CNTNAP4: variants seen among roughly 807,000 people sequenced by gnomAD.
CNTNAP4 encodes contactin associated protein family member 4.
A neutral mutation model predicts 148.4 loss-of-function variants in CNTNAP4; 98 were observed. The ratio of observed to expected loss-of-function variants is 0.66; its 90% confidence interval spans 0.56 to 0.78. The LOEUF (loss-of-function observed/expected upper bound fraction) is 0.78, where lower values mean the gene tolerates loss of function less well. CNTNAP4 is among the 30% of genes least tolerant of loss of function. The probability of loss-of-function intolerance (pLI) is 0.00; values close to 1 mark genes in which losing one functional copy is unlikely to be tolerated. For synonymous variants in CNTNAP4, 730 were observed against 565.1 expected (o/e 1.29, Z -4.14); for missense variants, 1,935 against 1,565.6 (o/e 1.24, Z -3.98).
At position 76,306,120 on chromosome 16, in the gene CNTNAP4, T is replaced by C. The variant is rs9944329; in HGVS notation, c.86-10293T>C. On this transcript the variant is annotated intron_variant, in intron 1 of 23. Coordinates refer to ENST00000611870, the MANE Select transcript of CNTNAP4 (RefSeq NM_033401.5). The stretch of plus-strand genomic sequence containing the variant: ...ATTCTGAACAGTATGGTGATGAATA[T>C]ATGAATGTATGTGTCTTTTTGGTAT... 8.8e-3 allele frequency among the ~76,000 whole-genome samples: 1,339 copies of C among 152,314 alleles called. 18 individuals carry two copies. The highest frequency in any genetic ancestry group is 0.03 in the African/African-American group (1,252 of 41,570).
chr16:76,444,847 T>G (rs1458181672), intron 4 of CNTNAP4, among the ~76,000 whole-genome samples: 1 of 152,140 alleles, frequency 6.6e-6, no homozygotes. Context: ...CATTGTGAAT[T>G]ATACTGAACT....
At chr16:76,504,038 C>G (rs1383801274) in intron 15 of CNTNAP4, among the ~76,000 whole-genome samples, 1 of 151,790 alleles carries the variant, frequency 6.6e-6, no homozygotes, top group East Asian at 1.9e-4. Flanking sequence ...AGACTGAAAA[C>G]TATCCCAATT....
chr16:76,495,734 T>C (rs1334303924), intron 14 of CNTNAP4, among the ~76,000 whole-genome samples: 1 of 152,122 alleles, frequency 6.6e-6, no homozygotes, highest in Admixed American at 6.5e-5. Context: ...TTTAAATGTT[T>C]ATATTTACAT....
intron 4 of CNTNAP4, among the ~76,000 whole-genome samples, chr16:76,439,447 A>C (rs760573140): frequency 1.3e-5 from 2 of 152,160 alleles, no homozygotes; most frequent in Non-Finnish European, 2.9e-5. Flanking sequence ...TTTTCAGTAC[A>C]TAGCCAAATA....
At position 76,560,650 on chromosome 16, in the gene CNTNAP4, T is replaced by G. The variant is rs1477231498; in HGVS notation, c.*1967T>G. 6.6e-6 allele frequency among the ~76,000 whole-genome samples: 1 copy of G among 152,326 alleles called. No homozygotes were observed. Among genetic ancestry groups the G allele is most frequent in the East Asian group, 1.9e-4 (1 of 5,184 alleles). On this transcript the variant is annotated 3_prime_UTR_variant, in exon 24 of 24. Coordinates refer to ENST00000611870, the MANE Select transcript of CNTNAP4 (RefSeq NM_033401.5). The stretch of plus-strand genomic sequence containing the variant: ...CTCTGTGGTCTGCACTGCTAGAGAC[T>G]CAACATTATGGCATGGAAATGCATT...
At chr16:76,397,941 TATACATATATATATATATATATATATA>T (rs2078263102) in intron 3 of CNTNAP4, among the ~76,000 whole-genome samples, 1 of 1,928 alleles carries the variant, frequency 5.2e-4, no homozygotes, top group Non-Finnish European at 9.9e-4. Context: ...TAATAGATTA[TATACATATATATATATATATATATATA>T]TATATATATA....
Position 76,407,283 on chromosome 16 carries a change from G to A in CNTNAP4, c.391-20169G>A, listed in dbSNP as rs568287041. Among the ~76,000 whole-genome samples, 28 of 152,216 alleles carry A rather than the reference G, an allele frequency of 1.8e-4. No homozygotes were observed. The South Asian group carries it at 3.9e-3, about 21-fold the overall frequency. On this transcript the variant is annotated intron_variant, in intron 3 of 23. Transcript: ENST00000611870. ...AGTCTGCCTGCCTTGGCCTCCCAAA[G>A]TGCTGGGATTACAGGCAAGAGCCAC...
chr16:76,549,287 G>T (rs929304149), intron 21 of CNTNAP4, among the ~76,000 whole-genome samples: 1 of 152,096 alleles, frequency 6.6e-6, no homozygotes, highest in Non-Finnish European at 1.5e-5. Flanking sequence ...TTCTCAAGGT[G>T]CTAAGATGAC....
intron 3 of CNTNAP4, among the ~76,000 whole-genome samples, chr16:76,370,628 A>T (rs1597346332): frequency 6.6e-6 from 1 of 152,340 alleles, no homozygotes; most frequent in East Asian, 1.9e-4. Flanking sequence ...GAGCAGGGAA[A>T]GGGTGACACG....
At chr16:76,434,634 C>A (rs965564806) in intron 4 of CNTNAP4, among the ~76,000 whole-genome samples, 1 of 152,230 alleles carries the variant, frequency 6.6e-6, no homozygotes, top group South Asian at 2.1e-4. Flanking sequence ...TGGCACTAAT[C>A]TCTGCAGCCC....
chr16:76,376,017 T>C (rs1483230353), intron 3 of CNTNAP4, among the ~76,000 whole-genome samples: 1 of 151,540 alleles, frequency 6.6e-6, no homozygotes, highest in South Asian at 2.1e-4. Flanking sequence ...AAAGAGTTTG[T>C]GTGAAAGTTA....
intron 3 of CNTNAP4, among the ~76,000 whole-genome samples, chr16:76,391,440 C>T (rs1046967036): frequency 2.6e-4 from 39 of 152,192 alleles, no homozygotes; most frequent in African/African-American, 9.4e-4. Context: ...TGTTCCAAAG[C>T]ATGCTAACAT....
intron 15 of CNTNAP4, among the ~76,000 whole-genome samples, chr16:76,516,049 C>A (rs772391224): frequency 1.2e-4 from 19 of 152,132 alleles, no homozygotes; most frequent in Non-Finnish European, 2.6e-4. Flanking sequence ...AGGTTTTAAG[C>A]CCCGCATCCA....
In CNTNAP4 at chr16:76,427,840, AC is replaced by A. The variant is rs1393704661; in HGVS notation, c.538+242del. On this transcript the variant is annotated intron_variant, in intron 4 of 23. Transcript: ENST00000611870. ...GATGGATAGATACATATTTACTGATACATGGGAATGTATTTCTTCAAATAGA... is the reference window on the plus strand; with the variant it reads ...GATGGATAGATACATATTTACTGATAATGGGAATGTATTTCTTCAAATAGA... 1.2e-4 allele frequency among the ~76,000 whole-genome samples: 19 copies of A among 152,304 alleles called. 1 individual carries two copies. The highest frequency in any genetic ancestry group is 1.2e-3 in the Admixed American group (18 of 15,278).
intron 15 of CNTNAP4, among the ~76,000 whole-genome samples, chr16:76,499,036 A>C (rs948352847): frequency 2.0e-5 from 3 of 150,886 alleles, no homozygotes; most frequent in African/African-American, 7.3e-5. Context: ...AATGGTAAAA[A>C]TTTCAAATTT....
At chr16:76,553,015 A>G (rs2085024756) in intron 21 of CNTNAP4, among the ~76,000 whole-genome samples, 1 of 152,148 alleles carries the variant, frequency 6.6e-6, no homozygotes, top group Non-Finnish European at 1.5e-5. Flanking sequence ...TCACTTCTTA[A>G]CCTGACCCAT....
chr16:76,389,068 T>G (rs1275472961), intron 3 of CNTNAP4, among the ~76,000 whole-genome samples: 1 of 152,236 alleles, frequency 6.6e-6, no homozygotes, highest in East Asian at 1.9e-4. Context: ...CACTGTCTAG[T>G]ATATAATAGA....
intron 15 of CNTNAP4, among the ~76,000 whole-genome samples, chr16:76,516,464 A>T (rs149896384): frequency 6.6e-6 from 1 of 152,178 alleles, no homozygotes; most frequent in African/African-American, 2.4e-5. Flanking sequence ...GCTGGGTCAA[A>T]TGGTATTTCT....
intron 3 of CNTNAP4, among the ~76,000 whole-genome samples, chr16:76,403,933 A>T (rs2078508378): frequency 6.6e-6 from 1 of 152,204 alleles, no homozygotes; most frequent in Admixed American, 6.5e-5. Flanking sequence ...TATCATTAGC[A>T]AACTAATGTA....
Sources: gnomAD v4.1 joint callset for allele counts (sites outside exome capture counted in the v4.1 genomes callset) on GRCh38, gnomAD v4.1.1 for gene constraint, MANE v1.5 for transcripts, NCBI Gene and HGNC (gene_info 2026-07-23, HGNC 2026-07-21) for gene names.